The following LRP2 variants were observed in gnomAD, a reference collection of about 807,000 sequenced individuals.
LRP2 encodes the protein LDL receptor related protein 2.
A neutral mutation model predicts 531.0 loss-of-function variants in LRP2; 172 were observed. The ratio of observed to expected loss-of-function variants is 0.32; its 90% CI spans 0.29 to 0.37. LRP2 has a LOEUF of 0.37. Among genes scored for constraint, LRP2 ranks in the 10% least tolerant of loss-of-function variants. LRP2 has a pLI of 1.00. For synonymous variants in LRP2, 1,992 were observed against 2,027.6 expected, an observed-to-expected ratio of 0.98 and a Z score of 0.47; for missense variants, 5,167 against 5,868.3, an observed-to-expected ratio of 0.88 and a Z score of 3.90.
Position 169,168,570 on chromosome 2 carries a change from G to A in LRP2, c.11604C>T (p.Gly3868=), listed in dbSNP as rs1429097267. The part of the protein sequence containing the change: ...YWKCDGDDDC[G]DGSDEELHLC... ...GGTGAAGTTCTTCATCTGAACCATC[G>A]CCACAGTCATCATCGCCATCACATT... Residue 3868 remains glycine, a synonymous_variant, in exon 61 of 79, where the codon GGC becomes GGT. Coordinates refer to ENST00000649046, the MANE Select transcript of LRP2 (RefSeq NM_004525.3). 8.7e-6 allele frequency: 14 copies of A among 1,613,944 alleles called. No individual in the cohort carries two copies. Among genetic ancestry groups the A allele is most frequent in the South Asian group, 2.2e-5 (2 of 91,074 alleles).
chr2:169,284,511 C>T (rs937169854), intron 9 of LRP2, among the ~76,000 whole-genome samples: 3 of 152,098 alleles, frequency 2.0e-5, no homozygotes, highest in South Asian at 4.1e-4. Flanking sequence ...AAGTAAGCAG[C>T]TTGCCTTGGC....
In LRP2 at chr2:169,144,333, C is replaced by T. The variant is rs546955695; in HGVS notation, c.12988+1414G>A. 4.3e-3 allele frequency among the ~76,000 whole-genome samples: 656 copies of T among 152,278 alleles called. 5 individuals carry two copies. Among genetic ancestry groups the T allele is most frequent in the Middle Eastern group, 0.01 (3 of 292 alleles). On this transcript the variant is annotated intron_variant, in intron 70 of 78. Transcript: ENST00000649046. ...TCTGAGGCATGCTCAACTTTCAGAACTCTTGGTTCAAACAGGCTGGGCTGG... is the reference window on the plus strand; with the variant it reads ...TCTGAGGCATGCTCAACTTTCAGAATTCTTGGTTCAAACAGGCTGGGCTGG...
chr2:169,216,155 T>C (rs1688779847), intron 35 of LRP2, 98 bp downstream of exon 35: 7 of 1,290,870 alleles, frequency 5.4e-6, no homozygotes, highest in Non-Finnish European at 7.8e-6. Context: ...AGTTACCAAG[T>C]AAGATTGTTC....
chr2:169,182,616 C>T (rs1687483261), intron 50 of LRP2: 1 of 985,166 alleles, frequency 1.0e-6, no homozygotes, highest in African/African-American at 1.7e-5. Context: ...CATAAGGCAC[C>T]CTCTCCAGGC....
At chr2:169,219,399 G>A (rs574269165) in intron 34 of LRP2, among the ~76,000 whole-genome samples, 2 of 152,028 alleles carry the variant, frequency 1.3e-5, no homozygotes, top group African/African-American at 4.8e-5. Flanking sequence ...TTATAATATG[G>A]TATAGTAGAT....
intron 3 of LRP2, among the ~76,000 whole-genome samples, chr2:169,312,064 C>T (rs1218880802): frequency 6.6e-6 from 1 of 152,132 alleles, no homozygotes; most frequent in Non-Finnish European, 1.5e-5. Flanking sequence ...GGTAGATCTT[C>T]CTCCATCCCT....
chr2:169,181,509 T>A lies in LRP2; in HGVS notation c.10108A>T (p.Ile3370Phe). ...ISTKLEWPNG[I>F]TIDYTNDLLY... ...AGATCATTGGTGTAATCAATGGTGA[T>A]GCCATTAGGCCACTCTAACTTGGTG... The change falls in exon 52 of 79, where the codon ATC becomes TTC. Residue 3370 changes from isoleucine (I) to phenylalanine (F), a missense_variant. Physicochemically the swap from Ile to Phe is conservative, Grantham distance 21 (BLOSUM62 0). Transcript: ENST00000649046. The A allele has an allele frequency of 6.2e-7, 1 of 1,614,138 alleles. No homozygotes were observed. The highest frequency in any genetic ancestry group is 8.5e-7 in the Non-Finnish European group (1 of 1,179,946).
chr2:169,243,777 C>T (rs1404347880), intron 22 of LRP2, among the ~76,000 whole-genome samples: 1 of 152,130 alleles, frequency 6.6e-6, no homozygotes, highest in Non-Finnish European at 1.5e-5. Context: ...AGACCACATT[C>T]AGAAAGTGAG....
intron 35 of LRP2, among the ~76,000 whole-genome samples, chr2:169,215,986 AATTT>A (rs1227102984): frequency 2.0e-5 from 3 of 152,124 alleles, no homozygotes; most frequent in African/African-American, 4.8e-5. Flanking sequence ...AAATGGAATT[AATTT>A]ATCTTGAAGA....
chr2:169,339,765 C>A (rs1685513239), intron 1 of LRP2, among the ~76,000 whole-genome samples: 1 of 152,082 alleles, frequency 6.6e-6, no homozygotes, highest in South Asian at 2.1e-4. Flanking sequence ...TTGTTTCTGA[C>A]TTGATGATAT....
At chr2:169,290,094 G>A (rs1649404065) in intron 8 of LRP2, among the ~76,000 whole-genome samples, 1 of 151,914 alleles carries the variant, frequency 6.6e-6, no homozygotes, top group South Asian at 2.1e-4. Flanking sequence ...GGTTGTTGGT[G>A]GGGTGAATAT....
At chr2:169,209,169 A>G (rs1688505497) in intron 38 of LRP2, among the ~76,000 whole-genome samples, 1 of 152,202 alleles carries the variant, frequency 6.6e-6, no homozygotes. Flanking sequence ...AAGTGTAAAA[A>G]AAACAAATCC....
chr2:169,197,926 C>T (rs879799808), intron 45 of LRP2, among the ~76,000 whole-genome samples: 16 of 152,172 alleles, frequency 1.1e-4, no homozygotes, highest in Non-Finnish European at 2.1e-4. Flanking sequence ...ACTACATATA[C>T]ACAGAACAGG....
chr2:169,286,328 G>A (rs1037639469), intron 9 of LRP2, among the ~76,000 whole-genome samples: 19 of 152,280 alleles, frequency 1.2e-4, no homozygotes, highest in Admixed American at 7.2e-4. Context: ...CCAGAAACGC[G>A]CTGGCGGGAA....
At position 169,289,648 on chromosome 2, in the gene LRP2, A is replaced by C. The variant is rs74359427; in HGVS notation, c.923-503T>G. Among the ~76,000 whole-genome samples the C allele has an allele frequency of 6.6e-4, 101 of 152,312 alleles. 2 individuals carry two copies. The highest frequency in any genetic ancestry group is 6.6e-3 in the East Asian group (34 of 5,178). ...TAAAAGTCTTATTTATGAAAAAAAA[A>C]TCAGGTCATGCATGGGTCTATCTTT... On this transcript the variant is annotated intron_variant, in intron 8 of 78. Coordinates refer to ENST00000649046, the MANE Select transcript of LRP2 (RefSeq NM_004525.3).
At chr2:169,152,602 T>C (rs1574075689) in intron 67 of LRP2, among the ~76,000 whole-genome samples, 197 bp downstream of exon 67, 1 of 152,102 alleles carries the variant, frequency 6.6e-6, no homozygotes, top group Admixed American at 6.6e-5. Flanking sequence ...ATACAGGATA[T>C]GATAATGTCT....
At chr2:169,134,790 G>T (rs1267248086) in intron 76 of LRP2, among the ~76,000 whole-genome samples, 2 of 152,126 alleles carry the variant, frequency 1.3e-5, no homozygotes, top group Non-Finnish European at 2.9e-5. Flanking sequence ...TATCATTAAT[G>T]CGTCTTTAAT....
At chr2:169,217,045 C>A (rs1026867607) in intron 34 of LRP2, among the ~76,000 whole-genome samples, 1 of 152,026 alleles carries the variant, frequency 6.6e-6, no homozygotes, top group Non-Finnish European at 1.5e-5. Context: ...TATTTCACAG[C>A]GATCAGGTAC....
intron 41 of LRP2, among the ~76,000 whole-genome samples, chr2:169,204,581 T>A (rs553956751): frequency 6.6e-6 from 1 of 152,320 alleles, no homozygotes; most frequent in East Asian, 1.9e-4. Context: ...GTTAAGCACA[T>A]AGCAGACTCT....
Sources: gnomAD v4.1 joint callset for allele counts (sites outside exome capture counted in the v4.1 genomes callset) on GRCh38, gnomAD v4.1.1 for gene constraint, MANE v1.5 for transcripts, NCBI Gene and HGNC (gene_info 2026-07-23, HGNC 2026-07-21) for gene names.